The following ANO1 variants were observed in gnomAD, a reference collection of about 807,000 sequenced individuals.
The protein encoded by ANO1 is anoctamin 1.
In ANO1, 59 loss-of-function variants were observed where a neutral mutation model predicts 124.0. The observed-to-expected ratio is 0.48, with a 90% CI of 0.39 to 0.59. The LOEUF (loss-of-function observed/expected upper bound fraction) is 0.59. Among genes scored for constraint, ANO1 ranks in the 20% least tolerant of loss-of-function variants. The pLI is 0.00. For synonymous variants in ANO1, 529 were observed against 532.0 expected (o/e 0.99, Z 0.08); for missense variants, 1,059 against 1,328.0 (o/e 0.80, Z 3.15).
chr11:69,966,511 C>T, the ANO1 span, among the ~76,000 whole-genome samples: 19 of 152,312 alleles, frequency 1.2e-4, no homozygotes, highest in African/African-American at 4.3e-4. Flanking sequence ...GCTGCGTCGC[C>T]GGGTGGGGTG....
chr11:70,023,937 C>A (rs1206330420), intron 1 of ANO1, among the ~76,000 whole-genome samples: 1 of 152,228 alleles, frequency 6.6e-6, no homozygotes, highest in Non-Finnish European at 1.5e-5. Context: ...TGGTTCACTG[C>A]AACCTACCAA....
chr11:70,093,209 C>G (rs2044704792), intron 2 of ANO1, among the ~76,000 whole-genome samples: 1 of 149,982 alleles, frequency 6.7e-6, no homozygotes, highest in African/African-American at 2.5e-5. Flanking sequence ...CCTTTCTTCC[C>G]CCTCTCTCTC....
chr11:70,025,860 GTGATGA>G (rs1301791920), intron 1 of ANO1, among the ~76,000 whole-genome samples: 1 of 135,430 alleles, frequency 7.4e-6, no homozygotes, highest in Non-Finnish European at 1.6e-5. Flanking sequence ...GGTGGTGATG[GTGATGA>G]TGATGATGGT....
At chr11:70,052,377 T>C (rs1857361203) in intron 1 of ANO1, among the ~76,000 whole-genome samples, 2 of 152,176 alleles carry the variant, frequency 1.3e-5, no homozygotes, top group African/African-American at 4.8e-5. Flanking sequence ...TTGAGTCTTG[T>C]TGGCCTTTGG....
intron 1 of ANO1, among the ~76,000 whole-genome samples, chr11:70,055,214 T>G (rs1426478006): frequency 1.3e-5 from 2 of 152,162 alleles, no homozygotes; most frequent in African/African-American, 4.8e-5. Context: ...ATATGTATAT[T>G]CAGTAATTTT....
intron 1 of ANO1, chr11:70,085,802 G>A: frequency 8.6e-7 from 1 of 1,166,378 alleles, no homozygotes; most frequent in Non-Finnish European, 1.1e-6. Flanking sequence ...GTTTGGGGAG[G>A]GGCTCCACCC....
chr11:70,165,523 G>A lies in ANO1; in HGVS notation c.2004G>A (p.Met668Ile), dbSNP rs1341464347. 1.2e-6 allele frequency: 2 copies of A among 1,612,430 alleles called. No individual in the cohort carries two copies. Among genetic ancestry groups the A allele is most frequent in the Non-Finnish European group, 1.7e-6 (2 of 1,179,390 alleles). ...MELCIQLSII[M>I]LGKQLIQNNL... ...TATGCATCCAGCTCAGCATCATCAT[G>A]CTGGGGAAACAGCTGATCCAGAACA... Residue 668 changes from methionine (M) to isoleucine (I), a missense_variant, in exon 20 of 26, where the codon ATG becomes ATA. Physicochemically the swap from Met to Ile is conservative, Grantham distance 10 (BLOSUM62 1). This residue lies in a region of ANO1 where 809 missense variants were observed against 1,094.9 expected (regional missense o/e 0.74). Coordinates refer to ENST00000355303, the MANE Select transcript of ANO1 (RefSeq NM_018043.7).
At chr11:70,170,835 CT>C (rs1465153906) in intron 21 of ANO1, 51 bp from the exon 22 acceptor site, 4 of 1,570,758 alleles carry the variant, frequency 2.5e-6, no homozygotes, top group Non-Finnish European at 3.5e-6. Context: ...GGAGTCCCCC[CT>C]TATGGGCTGT....
chr11:70,181,271 G>A (rs1182687341), intron 23 of ANO1, among the ~76,000 whole-genome samples: 1 of 152,158 alleles, frequency 6.6e-6, no homozygotes, highest in Non-Finnish European at 1.5e-5. Flanking sequence ...CCCCTGCAGG[G>A]CCGTGATGCC....
chr11:70,126,728 G>A (rs1396087555), intron 10 of ANO1, among the ~76,000 whole-genome samples: 1 of 151,866 alleles, frequency 6.6e-6, no homozygotes, highest in African/African-American at 2.4e-5. Context: ...GTGCAGGCTG[G>A]TGCTTGCGGG....
At position 70,053,869 on chromosome 11, in the gene ANO1, G is replaced by A. The variant is rs138669046; in HGVS notation, c.59-24673G>A. The stretch of plus-strand genomic sequence containing the variant: ...AAATCAAATTTATTTGTAGATATAG[G>A]ACATTGTGATTGTTTACCTCTTCTT... On this transcript the variant is annotated intron_variant, in intron 1 of 27. Transcript: ENST00000531349. Among the ~76,000 whole-genome samples, 168 of 152,266 alleles carry A rather than the reference G, an allele frequency of 1.1e-3. 1 individual carries two copies. In the East Asian group the frequency reaches 0.03, roughly 27 times the overall value.
In ANO1 at chr11:70,055,523, T is replaced by C. The variant is rs542146355; in HGVS notation, c.59-23019T>C. 5.9e-5 allele frequency among the ~76,000 whole-genome samples: 9 copies of C among 152,192 alleles called. 1 individual carries two copies. In the South Asian group the frequency reaches 1.9e-3, roughly 31 times the overall value. On this transcript the variant is annotated intron_variant, in intron 1 of 27. Coordinates refer to the ANO1 transcript ENST00000531349. Reference sequence around the variant, plus strand: ...TTCAAGTGTTTGCATGGAATATTAGTATTTTTCCATCATTTGACTTTTAAT... The same window carrying C: ...TTCAAGTGTTTGCATGGAATATTAGCATTTTTCCATCATTTGACTTTTAAT...
chr11:70,176,661 G>T (rs530393922), intron 22 of ANO1, among the ~76,000 whole-genome samples: 1 of 152,126 alleles, frequency 6.6e-6, no homozygotes, highest in African/African-American at 2.4e-5. Context: ...CCAAAAGGGA[G>T]GAGGGCATGA....
chr11:70,055,618 T>G (rs1231165300), intron 1 of ANO1, among the ~76,000 whole-genome samples: 2 of 152,068 alleles, frequency 1.3e-5, no homozygotes, highest in Non-Finnish European at 2.9e-5. Context: ...AAAAATTCAG[T>G]CTGATAACTT....
chr11:70,064,984 A>C (rs1165663932), intron 1 of ANO1: 1 of 152,352 alleles, frequency 6.6e-6, no homozygotes, highest in Non-Finnish European at 1.5e-5. Context: ...ATTGGTTTCC[A>C]TGCCGTTCAT....
intron 1 of ANO1, among the ~76,000 whole-genome samples, chr11:70,045,846 T>C (rs782313379): frequency 6.6e-6 from 1 of 152,166 alleles, no homozygotes; most frequent in African/African-American, 2.4e-5. Flanking sequence ...TTGAGAAAGA[T>C]ATGAATGTAA....
chr11:70,055,867 T>G (rs1285534679), intron 1 of ANO1, among the ~76,000 whole-genome samples: 4 of 152,156 alleles, frequency 2.6e-5, no homozygotes, highest in African/African-American at 4.8e-5. Flanking sequence ...AATTGCCACA[T>G]GCATCCCTGG....
At chr11:70,067,615 G>A (rs556547516) in intron 1 of ANO1, among the ~76,000 whole-genome samples, 2 of 152,108 alleles carry the variant, frequency 1.3e-5, no homozygotes, top group African/African-American at 2.4e-5. Flanking sequence ...GGCATGAGCC[G>A]CCGCACCCGG....
rs1856466311 is a variant in ANO1, at chr11:70,005,329, TCA to T, written c.58+19168_58+19169del. Among the ~76,000 whole-genome samples the T allele has an allele frequency of 3.9e-5, 6 of 152,266 alleles. No homozygotes were observed. The South Asian group carries it at 1.2e-3, about 32-fold the overall frequency. ...GAGAGGTGAAGTAACATGGCAGAAG[TCA>T]CACAGCCCAAACTGATATATCAGAG... On this transcript the variant is annotated intron_variant, in intron 1 of 27. Coordinates refer to the ANO1 transcript ENST00000531349.
Sources: allele counts gnomAD v4.1 joint callset (sites outside exome capture counted in the v4.1 genomes callset), GRCh38; gene constraint gnomAD v4.1.1; regional missense constraint gnomAD v4.1.1; transcripts MANE v1.5; gene names NCBI Gene and HGNC (gene_info 2026-07-23, HGNC 2026-07-21).